Variants in TRPM1 observed in about 807,000 individuals in gnomAD.
TRPM1 encodes the protein TRPM1-203 APA Isoform, Intron 10.
In TRPM1, 113 loss-of-function variants were observed where a neutral mutation model predicts 149.4. That is an observed-to-expected ratio of 0.76 (90% CI 0.65 to 0.88). The LOEUF (loss-of-function observed/expected upper bound fraction) is 0.88, where lower values mean the gene tolerates loss of function less well. TRPM1 is among the 40% of genes least tolerant of loss of function. The probability of loss-of-function intolerance (pLI) is 0.00; values close to 1 mark genes in which losing one functional copy is unlikely to be tolerated. For synonymous variants in TRPM1, 741 were observed against 759.5 expected (o/e 0.98, Z 0.40); for missense variants, 1,976 against 2,038.7 (o/e 0.97, Z 0.59).
chr15:31,019,397 C>G (rs976814068), intron 27 of TRPM1, among the ~76,000 whole-genome samples: 4 of 152,128 alleles, frequency 2.6e-5, no homozygotes, highest in African/African-American at 9.7e-5. Flanking sequence ...AGACTCACGT[C>G]TTTCTTTTTT....
At chr15:31,147,312 C>T (rs1188146097) in intron 1 of TRPM1, among the ~76,000 whole-genome samples, 1 of 152,204 alleles carries the variant, frequency 6.6e-6, no homozygotes, top group East Asian at 1.9e-4. Context: ...TAACAAAGAA[C>T]CGTTCTGAAT....
Position 31,050,472 on chromosome 15 carries a change from TTTC to T in TRPM1, c.1371_1373del (p.Lys458del), listed in dbSNP as rs751880389. Reference sequence around the variant, plus strand: ...CCTCCACTTCCTCTTTCACTTTCCCTTTCTTCTTGCCTTTCCCTTTTCCTCTTC... The same window carrying T: ...CCTCCACTTCCTCTTTCACTTTCCCTTTCTTGCCTTTCCCTTTTCCTCTTC... On this transcript the variant is annotated inframe_deletion, in exon 12 of 28. Transcript: ENST00000256552. The T allele has an allele frequency of 1.9e-6, 3 of 1,614,040 alleles. No homozygotes were observed. The highest frequency in any genetic ancestry group is 1.7e-6 in the Non-Finnish European group (2 of 1,180,030).
intron 11 of TRPM1, among the ~76,000 whole-genome samples, chr15:31,052,562 G>A (rs2033974113): frequency 6.6e-6 from 1 of 152,138 alleles, no homozygotes; most frequent in African/African-American, 2.4e-5. Flanking sequence ...ATCACCTGAG[G>A]CCAGGAATTT....
At chr15:31,034,591 C>T (rs2033258687) in intron 21 of TRPM1, among the ~76,000 whole-genome samples, 1 of 152,244 alleles carries the variant, frequency 6.6e-6, no homozygotes, top group Non-Finnish European at 1.5e-5. Context: ...ACAGGGTCCA[C>T]CTGAAGCCAC....
intron 1 of TRPM1, among the ~76,000 whole-genome samples, chr15:31,114,681 A>G (rs2035773389): frequency 6.6e-6 from 1 of 152,238 alleles, no homozygotes; most frequent in East Asian, 1.9e-4. Flanking sequence ...AAAATTATAT[A>G]TTCAGAGTGC....
intron 1 of TRPM1, among the ~76,000 whole-genome samples, chr15:31,124,130 C>A (rs532230272): frequency 6.6e-6 from 1 of 152,192 alleles, no homozygotes; most frequent in South Asian, 2.1e-4. Context: ...CTAAAAAATA[C>A]AAAAGTTAGC....
At chr15:31,073,841 T>C (rs2034621901) in intron 3 of TRPM1, among the ~76,000 whole-genome samples, 2 of 152,118 alleles carry the variant, frequency 1.3e-5, no homozygotes, top group South Asian at 4.1e-4. Context: ...TGTGGATTCT[T>C]TATAGCTGTT....
intron 1 of TRPM1, among the ~76,000 whole-genome samples, chr15:31,158,409 C>T (rs751561096): frequency 2.0e-5 from 3 of 152,018 alleles, no homozygotes; most frequent in East Asian, 1.9e-4. Flanking sequence ...GGGCAGATCA[C>T]GAGGTCAGGA....
rs1185269296 is a variant in TRPM1 at position 31,001,152 on chromosome 15, C to CT, written c.*669dup. On this transcript the variant is annotated 3_prime_UTR_variant, in exon 28 of 28. Coordinates refer to ENST00000256552, the MANE Select transcript of TRPM1 (RefSeq NM_001252024.2). ...GTATGATGTTTGATATAATTGTGTA[C>CT]TTTTTTTCCCATTGTGTAGTTTAAA... 2.6e-5 allele frequency: 4 copies of CT among 152,120 alleles called. No individual in the cohort carries two copies. The highest frequency in any genetic ancestry group is 4.4e-5 in the Non-Finnish European group (3 of 68,024). 9.4% of individuals were successfully genotyped at this position (152,120 alleles called of 1,614,324 possible).
At position 31,101,632 on chromosome 15, in the gene TRPM1, T is replaced by C. The variant is rs2141015681; in HGVS notation, c.-84+25A>G. On this transcript the variant is annotated intron_variant, in intron 1 of 27. Coordinates refer to ENST00000256552, the MANE Select transcript of TRPM1 (RefSeq NM_001252024.2). ...TACCTGCACCTGACCTCCCTTCACC[T>C]GTGCTTACCCGCATCTGAGCTTACC... 6 of 985,644 alleles carry C rather than the reference T, an allele frequency of 6.1e-6. No homozygotes were observed. In the South Asian group the frequency reaches 2.3e-4, roughly 39 times the overall value. 61.1% of individuals were successfully genotyped at this position (985,644 alleles called of 1,614,324 possible).
At chr15:31,156,578 T>C (rs762207629) in intron 1 of TRPM1, among the ~76,000 whole-genome samples, 4 of 152,222 alleles carry the variant, frequency 2.6e-5, no homozygotes, top group Non-Finnish European at 5.9e-5. Flanking sequence ...AAAACCTTTG[T>C]ATCCACCTAT....
At chr15:31,145,463 T>A (rs1272877334) in intron 1 of TRPM1, among the ~76,000 whole-genome samples, 1 of 152,212 alleles carries the variant, frequency 6.6e-6, no homozygotes. Context: ...GTTGAACCTG[T>A]CATATCAAAC....
intron 9 of TRPM1, among the ~76,000 whole-genome samples, chr15:31,062,143 A>G (rs116312227): frequency 6.0e-4 from 92 of 152,244 alleles, no homozygotes; most frequent in African/African-American, 2.2e-3. Flanking sequence ...CAGACAGGAG[A>G]TATTTGTAGG....
chr15:31,012,976 C>CTTTTTTTTTTTTT (rs1191852074), intron 27 of TRPM1, among the ~76,000 whole-genome samples: 1 of 119,732 alleles, frequency 8.4e-6, no homozygotes, highest in Non-Finnish European at 1.8e-5. Flanking sequence ...CTTTCTTTTT[C>CTTTTTTTTTTTTT]TTTTTTTTTT....
At chr15:31,147,587 T>C (rs2036238238) in intron 1 of TRPM1, among the ~76,000 whole-genome samples, 2 of 152,224 alleles carry the variant, frequency 1.3e-5, no homozygotes, top group African/African-American at 4.8e-5. Flanking sequence ...CCAGTGGCTC[T>C]TGTTCATCAC....
intron 1 of TRPM1, among the ~76,000 whole-genome samples, chr15:31,126,922 G>C (rs560590753): frequency 3.9e-5 from 6 of 152,112 alleles, no homozygotes; most frequent in African/African-American, 1.4e-4. Flanking sequence ...AGCTGAGATC[G>C]TGCCACTGCA....
At chr15:31,088,563 G>A (rs1596057843) in intron 1 of TRPM1, among the ~76,000 whole-genome samples, 1 of 152,212 alleles carries the variant, frequency 6.6e-6, no homozygotes, top group Non-Finnish European at 1.5e-5. Context: ...AAAGTCTGCG[G>A]CTTCACTGCT....
At chr15:31,061,729 G>A (rs1038129545) in intron 9 of TRPM1, among the ~76,000 whole-genome samples, 4 of 150,078 alleles carry the variant, frequency 2.7e-5, no homozygotes, top group African/African-American at 9.9e-5. Context: ...TTGTCGCCCA[G>A]GCTGGAGTGC....
chr15:31,092,490 C>T (rs1382406987), intron 1 of TRPM1, among the ~76,000 whole-genome samples: 1 of 152,190 alleles, frequency 6.6e-6, no homozygotes, highest in Non-Finnish European at 1.5e-5. Context: ...CCAGCCCTGT[C>T]CCTCATTACT....
Sources: allele counts gnomAD v4.1 joint callset (sites outside exome capture counted in the v4.1 genomes callset), GRCh38; gene constraint gnomAD v4.1.1; transcripts MANE v1.5; gene names NCBI Gene and HGNC (gene_info 2026-07-23, HGNC 2026-07-21).